Variants in EBF1 observed in about 807,000 individuals in gnomAD.
The protein encoded by EBF1 is EBF transcription factor 1, also known as transcription factor COE1.
EBF1 carries 10 observed loss-of-function variants against 68.4 expected under a neutral mutation model. The ratio of observed to expected loss-of-function variants is 0.15; its 90% CI spans 0.09 to 0.25. EBF1 has a LOEUF of 0.25. Among genes scored for constraint, EBF1 ranks in the 10% least tolerant of loss-of-function variants. The probability of loss-of-function intolerance (pLI) is 1.00; values close to 1 mark genes in which losing one functional copy is unlikely to be tolerated. For synonymous variants in EBF1, 298 were observed against 299.8 expected, an observed-to-expected ratio of 0.99 and a Z score of 0.06; for missense variants, 509 against 794.4, an observed-to-expected ratio of 0.64 and a Z score of 4.32.
intron 14 of EBF1, 147 bp downstream of exon 14, chr5:158,712,007 T>G: frequency 1.1e-6 from 1 of 921,812 alleles, no homozygotes; most frequent in Non-Finnish European, 1.6e-6. Flanking sequence ...CGATGGTGCC[T>G]TTAGCACCAT....
chr5:158,726,805 C>G (rs370725560), intron 11 of EBF1, among the ~76,000 whole-genome samples: 7 of 152,144 alleles, frequency 4.6e-5, no homozygotes, highest in Non-Finnish European at 7.3e-5. Flanking sequence ...GTGAGGCTAC[C>G]GACCCTGAGG....
At position 158,820,279 on chromosome 5, in the gene EBF1, G is replaced by T. The variant is rs376421041; in HGVS notation, c.778+2897C>A. ...TGTTTGAAGGCGGTGGGGGGTGGGAGCGGAGACACAGAGGGATGAGGGTGT... is the reference window on the plus strand; with the variant it reads ...TGTTTGAAGGCGGTGGGGGGTGGGATCGGAGACACAGAGGGATGAGGGTGT... On this transcript the variant is annotated intron_variant, in intron 8 of 15. Coordinates refer to ENST00000313708, the MANE Select transcript of EBF1 (RefSeq NM_024007.5). Among the ~76,000 whole-genome samples the T allele has an allele frequency of 2.3e-4, 35 of 152,222 alleles. No individual in the cohort carries two copies. In the East Asian group the frequency reaches 5.4e-3, roughly 24 times the overall value.
chr5:158,722,844 A>T (rs1392615940), intron 11 of EBF1, among the ~76,000 whole-genome samples: 1 of 152,204 alleles, frequency 6.6e-6, no homozygotes, highest in African/African-American at 2.4e-5. Context: ...ACCTCCAAGC[A>T]TCTCCATTCC....
chr5:158,969,897 AAAG>A (rs1449164039), intron 6 of EBF1, among the ~76,000 whole-genome samples: 7 of 106,542 alleles, frequency 6.6e-5, no homozygotes, highest in South Asian at 2.9e-4. Context: ...AGAAAGAAAG[AAAG>A]AAAGAAAGAA....
chr5:158,743,242 A>G (rs1766818874), intron 10 of EBF1, among the ~76,000 whole-genome samples: 1 of 152,216 alleles, frequency 6.6e-6, no homozygotes, highest in African/African-American at 2.4e-5. Context: ...TTGGGTATGG[A>G]AAGATAAATA....
chr5:158,945,342 T>A (rs911113465), intron 6 of EBF1, among the ~76,000 whole-genome samples: 9 of 152,244 alleles, frequency 5.9e-5, no homozygotes, highest in African/African-American at 2.2e-4. Context: ...CTTTCCCCAT[T>A]ACTTGTTTTT....
At chr5:159,092,116 G>A (rs1781755606) in intron 4 of EBF1, among the ~76,000 whole-genome samples, 1 of 152,070 alleles carries the variant, frequency 6.6e-6, no homozygotes, top group Non-Finnish European at 1.5e-5. Flanking sequence ...AATCTGAAAG[G>A]ATGCCCACTA....
intron 6 of EBF1, among the ~76,000 whole-genome samples, chr5:158,940,760 A>ACC (rs1561573632): frequency 1.4e-4 from 1 of 7,030 alleles, no homozygotes; most frequent in African/African-American, 3.9e-4. Flanking sequence ...CCTTCACCCC[A>ACC]CCGCCCCCCC....
intron 6 of EBF1, among the ~76,000 whole-genome samples, chr5:158,867,305 T>C (rs1278042111): frequency 6.6e-6 from 1 of 152,194 alleles, no homozygotes; most frequent in Non-Finnish European, 1.5e-5. Flanking sequence ...ACTTATTTGC[T>C]TCTAAACAGA....
intron 11 of EBF1, among the ~76,000 whole-genome samples, chr5:158,720,923 T>C (rs549023243): frequency 6.6e-6 from 1 of 152,342 alleles, no homozygotes; most frequent in South Asian, 2.1e-4. Context: ...TATAAGAAGA[T>C]TCAGCTGAAG....
In EBF1 at chr5:158,863,310, G is replaced by T. The variant is rs138969712; in HGVS notation, c.555-23200C>A. Among the ~76,000 whole-genome samples the T allele has an allele frequency of 4.4e-3, 664 of 152,010 alleles. 1 individual carries two copies. Among genetic ancestry groups the T allele is most frequent in the Non-Finnish European group, 6.9e-3 (467 of 67,994 alleles). On this transcript the variant is annotated intron_variant, in intron 6 of 15. Coordinates refer to ENST00000313708, the MANE Select transcript of EBF1 (RefSeq NM_024007.5). ...TAGGAAGCCTTCCCAAGTTCCTCCC[G>T]ACAGGAATAGAACATCCCACCTCAG...
At chr5:159,013,207 A>G (rs879673889) in intron 6 of EBF1, among the ~76,000 whole-genome samples, 1 of 152,228 alleles carries the variant, frequency 6.6e-6, no homozygotes, top group Non-Finnish European at 1.5e-5. Context: ...TAAGTAATAT[A>G]TGAATTTTCA....
At chr5:158,863,923 G>A (rs1795402873) in intron 6 of EBF1, among the ~76,000 whole-genome samples, 1 of 152,094 alleles carries the variant, frequency 6.6e-6, no homozygotes, top group Non-Finnish European at 1.5e-5. Context: ...CAGAGTTACT[G>A]AGGGGGTAAA....
chr5:158,971,203 CAAG>C (rs1334237748), intron 6 of EBF1, among the ~76,000 whole-genome samples: 3 of 152,162 alleles, frequency 2.0e-5, no homozygotes, highest in Non-Finnish European at 4.4e-5. Flanking sequence ...CTGATTCTTG[CAAG>C]AAGAATGAGT....
intron 5 of EBF1, among the ~76,000 whole-genome samples, chr5:159,082,522 T>C (rs1341261624): frequency 6.6e-6 from 1 of 152,308 alleles, no homozygotes; most frequent in East Asian, 1.9e-4. Context: ...GCACCCCTGG[T>C]GCAAATTCAG....
intron 6 of EBF1, among the ~76,000 whole-genome samples, chr5:158,954,260 C>T (rs999834748): frequency 7.9e-5 from 12 of 152,190 alleles, no homozygotes; most frequent in Admixed American, 5.9e-4. Flanking sequence ...GTCACTCTGA[C>T]GCAATCTAGT....
At chr5:158,738,181 C>G (rs561399575) in intron 10 of EBF1, among the ~76,000 whole-genome samples, 2 of 152,042 alleles carry the variant, frequency 1.3e-5, no homozygotes, top group African/African-American at 2.4e-5. Flanking sequence ...CTATCTCTTT[C>G]TTTTTGATGT....
intron 10 of EBF1, among the ~76,000 whole-genome samples, chr5:158,734,770 A>G (rs1000996726): frequency 3.8e-4 from 58 of 152,172 alleles, no homozygotes; most frequent in African/African-American, 1.3e-3. Flanking sequence ...CTACAAATAA[A>G]GAAGCATGAG....
chr5:158,751,995 A>T (rs1282153998), intron 10 of EBF1, among the ~76,000 whole-genome samples: 2 of 151,994 alleles, frequency 1.3e-5, no homozygotes, highest in African/African-American at 4.8e-5. Flanking sequence ...GATGTTGATG[A>T]TGCTAAGGTT....
Sources: allele counts gnomAD v4.1 joint callset (sites outside exome capture counted in the v4.1 genomes callset), GRCh38; gene constraint gnomAD v4.1.1; transcripts MANE v1.5; gene names NCBI Gene and HGNC (gene_info 2026-07-23, HGNC 2026-07-21).